ARK2N: variants seen among roughly 807,000 people sequenced by gnomAD.
The protein encoded by ARK2N is protein ARK2N.
chr18:46,238,730 T>C, the ARK2N span, among the ~76,000 whole-genome samples: 1 of 152,234 alleles, frequency 6.6e-6, no homozygotes, highest in Non-Finnish European at 1.5e-5. Flanking sequence ...TACATAAACC[T>C]GTGGTTTGGT....
the ARK2N span, among the ~76,000 whole-genome samples, chr18:46,254,743 G>T: frequency 6.6e-6 from 1 of 152,194 alleles, no homozygotes; most frequent in Non-Finnish European, 1.5e-5. Context: ...CAAAGCCTAA[G>T]ATATGTACTG....
the ARK2N span, among the ~76,000 whole-genome samples, chr18:46,231,192 C>CT: frequency 1.1e-3 from 173 of 152,226 alleles, 1 homozygote; most frequent in African/African-American, 4.0e-3. Context: ...TGAAGTTTTA[C>CT]TTTTTTAAAA....
the ARK2N span, among the ~76,000 whole-genome samples, chr18:46,211,367 T>G: frequency 6.2e-3 from 945 of 152,098 alleles, 11 homozygotes; most frequent in African/African-American, 0.022. Context: ...GCCACCATGC[T>G]CAGCTAAATT....
chr18:46,254,429 G>A, the ARK2N span, among the ~76,000 whole-genome samples: 2 of 152,154 alleles, frequency 1.3e-5, no homozygotes, highest in Non-Finnish European at 2.9e-5. Context: ...ATGAAGTTTG[G>A]CATTCGTTAA....
chr18:46,203,195 T>C, the ARK2N span, among the ~76,000 whole-genome samples: 2 of 152,214 alleles, frequency 1.3e-5, no homozygotes. Flanking sequence ...TATGAAACTT[T>C]TCATGAATGC....
the ARK2N span, among the ~76,000 whole-genome samples, chr18:46,193,213 T>G: frequency 7.9e-5 from 12 of 152,154 alleles, no homozygotes; most frequent in East Asian, 2.3e-3. Context: ...TGGAATGACT[T>G]TATTTAAAAT....
At chr18:46,233,406 TC>T in the ARK2N span, among the ~76,000 whole-genome samples, 2 of 152,220 alleles carry the variant, frequency 1.3e-5, no homozygotes, top group Admixed American at 1.3e-4. Context: ...AAGCAGTAGG[TC>T]ATGGATTTGT....
chr18:46,206,483 G>A, the ARK2N span, among the ~76,000 whole-genome samples: 1 of 152,112 alleles, frequency 6.6e-6, no homozygotes, highest in Non-Finnish European at 1.5e-5. Context: ...TCCCTGATCT[G>A]TGATGAAAAC....
At chr18:46,191,879 C>T in the ARK2N span, among the ~76,000 whole-genome samples, 3 of 152,138 alleles carry the variant, frequency 2.0e-5, no homozygotes, top group Admixed American at 6.5e-5. Context: ...ATAGTTTTGC[C>T]TTTTCCAGAA....
chr18:46,248,772 A>G, the ARK2N span, among the ~76,000 whole-genome samples: 1 of 152,046 alleles, frequency 6.6e-6, no homozygotes, highest in Non-Finnish European at 1.5e-5. Flanking sequence ...TTTAGTAGAG[A>G]TGGGGTTTCA....
the ARK2N span, among the ~76,000 whole-genome samples, chr18:46,213,730 T>C: frequency 2.6e-5 from 4 of 152,230 alleles, no homozygotes; most frequent in African/African-American, 9.7e-5. Context: ...GGAGTCTTGC[T>C]CTGTCACCCA....
the ARK2N span, among the ~76,000 whole-genome samples, chr18:46,248,147 C>T: frequency 6.6e-6 from 1 of 152,194 alleles, no homozygotes; most frequent in Admixed American, 6.5e-5. Context: ...CGGTAACCTC[C>T]TGGAAGGCAC....
At chr18:46,183,313 C>G in the ARK2N span, among the ~76,000 whole-genome samples, 1 of 152,112 alleles carries the variant, frequency 6.6e-6, no homozygotes, top group African/African-American at 2.4e-5. Flanking sequence ...TGGTGGTAAA[C>G]GTTTTTCTCT....
the ARK2N span, among the ~76,000 whole-genome samples, chr18:46,225,615 C>A: frequency 3.9e-5 from 6 of 152,194 alleles, no homozygotes; most frequent in East Asian, 1.2e-3. Context: ...CCCGCCACCA[C>A]GCCTGGCTAA....
the ARK2N span, among the ~76,000 whole-genome samples, chr18:46,181,396 G>C: frequency 2.0e-5 from 3 of 152,044 alleles, no homozygotes; most frequent in African/African-American, 7.2e-5. Flanking sequence ...TTAAAACTTA[G>C]AGCAGCCATT....
the ARK2N span, chr18:46,215,895 G>A: frequency 1.9e-6 from 3 of 1,611,722 alleles, no homozygotes; most frequent in Non-Finnish European, 2.5e-6. Context: ...AGATGGAGGA[G>A]GCAGTGGGAA....
chr18:46,230,061 G>A, the ARK2N span, among the ~76,000 whole-genome samples: 1 of 152,130 alleles, frequency 6.6e-6, no homozygotes, highest in Non-Finnish European at 1.5e-5. Context: ...GAGTTGCTGG[G>A]ATTACAGGTG....
the ARK2N span, chr18:46,253,870 A>G: frequency 6.5e-7 from 1 of 1,536,454 alleles, no homozygotes; most frequent in Non-Finnish European, 8.8e-7. Flanking sequence ...TATAAATTCT[A>G]TTTTAACCAG....
the ARK2N span, among the ~76,000 whole-genome samples, chr18:46,204,485 A>G: frequency 1.3e-5 from 2 of 152,216 alleles, no homozygotes; most frequent in Non-Finnish European, 2.9e-5. Context: ...TGGTCTAAGT[A>G]GAAAGCATTA....
Sources: allele counts gnomAD v4.1 joint callset (sites outside exome capture counted in the v4.1 genomes callset), GRCh38; gene constraint gnomAD v4.1.1; transcripts MANE v1.5; gene names NCBI Gene and HGNC (gene_info 2026-07-23, HGNC 2026-07-21).